Variants in XIRP2 observed in about 807,000 individuals in gnomAD.
XIRP2 encodes xin actin-binding repeat-containing protein 2.
XIRP2 carries 236 observed loss-of-function variants against 277.0 expected under a neutral mutation model. The observed-to-expected ratio is 0.85, with a 90% CI of 0.77 to 0.95. XIRP2 has a LOEUF of 0.95. Among genes scored for constraint, XIRP2 ranks in the 40% least tolerant of loss-of-function variants. The probability of loss-of-function intolerance (pLI) is 0.00; values close to 1 mark genes in which losing one functional copy is unlikely to be tolerated. For synonymous variants in XIRP2, 1,490 were observed against 1,416.5 expected (o/e 1.05, Z -1.17); for missense variants, 4,640 against 4,157.5 (o/e 1.12, Z -3.19).
intron 2 of XIRP2, among the ~76,000 whole-genome samples, chr2:167,128,070 G>T (rs1006247328): frequency 6.6e-6 from 1 of 152,170 alleles, no homozygotes; most frequent in Non-Finnish European, 1.5e-5. Context: ...CATTCACCCT[G>T]TTTTATCAAT....
At chr2:167,197,548 T>C (rs1298467634) in intron 3 of XIRP2, among the ~76,000 whole-genome samples, 4 of 152,152 alleles carry the variant, frequency 2.6e-5, no homozygotes. Context: ...TAACCAGTTC[T>C]GCAAAAATAT....
intron 2 of XIRP2, among the ~76,000 whole-genome samples, chr2:167,104,126 C>T (rs1238726785): frequency 2.0e-5 from 3 of 152,056 alleles, no homozygotes; most frequent in Non-Finnish European, 4.4e-5. Context: ...GATTAATTCT[C>T]CTTAAGAAGA....
intron 2 of XIRP2, among the ~76,000 whole-genome samples, chr2:166,974,181 C>G (rs369078123): frequency 2.0e-5 from 3 of 152,028 alleles, no homozygotes; most frequent in East Asian, 1.9e-4. Context: ...GTCTGCAGCA[C>G]GAGTTGTTTG....
At chr2:167,168,719 A>G (rs2105347027) in intron 3 of XIRP2, among the ~76,000 whole-genome samples, 1 of 152,240 alleles carries the variant, frequency 6.6e-6, no homozygotes, top group East Asian at 1.9e-4. Context: ...GGTTCACACC[A>G]TTCTCCTGCC....
At chr2:166,897,552 A>G (rs1189144443) in intron 1 of XIRP2, among the ~76,000 whole-genome samples, 1 of 152,188 alleles carries the variant, frequency 6.6e-6, no homozygotes, top group Non-Finnish European at 1.5e-5. Context: ...GTTAAACAAA[A>G]TAAGTTAATA....
chr2:167,049,844 T>C (rs1159949355), intron 2 of XIRP2, among the ~76,000 whole-genome samples: 1 of 151,994 alleles, frequency 6.6e-6, no homozygotes, highest in East Asian at 1.9e-4. Flanking sequence ...TAATGAAAAC[T>C]ACATGGTAGA....
At chr2:167,169,488 G>T (rs1207735730) in intron 3 of XIRP2, among the ~76,000 whole-genome samples, 1 of 152,180 alleles carries the variant, frequency 6.6e-6, no homozygotes, top group Non-Finnish European at 1.5e-5. Flanking sequence ...TTTTGGTTCT[G>T]TGTATTTATC....
chr2:166,936,653 C>A (rs1685526179), intron 2 of XIRP2, among the ~76,000 whole-genome samples: 1 of 152,170 alleles, frequency 6.6e-6, no homozygotes, highest in Non-Finnish European at 1.5e-5. Context: ...GTCCCAGAAC[C>A]ATTTATTAAA....
At chr2:166,963,745 G>A (rs1180628744) in intron 2 of XIRP2, among the ~76,000 whole-genome samples, 1 of 151,828 alleles carries the variant, frequency 6.6e-6, no homozygotes, top group Non-Finnish European at 1.5e-5. Context: ...CATAGCATGG[G>A]AATGAAGTCA....
chr2:167,208,540 C>G (rs1047035010), intron 3 of XIRP2, among the ~76,000 whole-genome samples: 2 of 152,156 alleles, frequency 1.3e-5, no homozygotes, highest in African/African-American at 4.8e-5. Context: ...GATCTCCTGA[C>G]CTCGTGATCT....
intron 2 of XIRP2, among the ~76,000 whole-genome samples, chr2:166,928,023 T>A (rs1469907674): frequency 6.6e-6 from 1 of 152,118 alleles, no homozygotes; most frequent in East Asian, 1.9e-4. Flanking sequence ...AATATGTAAA[T>A]TTTTTTTCTC....
chr2:166,958,486 T>G (rs1686223753), intron 2 of XIRP2, among the ~76,000 whole-genome samples: 1 of 151,660 alleles, frequency 6.6e-6, no homozygotes, highest in Admixed American at 6.6e-5. Flanking sequence ...ATAGCTGGGG[T>G]TTGGAGCCCT....
chr2:167,242,877 G>T lies in XIRP2; in HGVS notation c.1485G>T (p.Leu495Phe). 1 of 1,614,044 alleles carries T rather than the reference G, an allele frequency of 6.2e-7. No homozygotes were observed. The highest frequency in any genetic ancestry group is 8.5e-7 in the Non-Finnish European group (1 of 1,179,976). Residue 495 changes from leucine to phenylalanine, a missense_variant, in exon 9 of 11, where the codon TTG becomes TTT. Transcript: ENST00000409195. Reference sequence around the variant, plus strand: ...ATGTATATTCCAAGCAAAGAAATTTGTATGAATTAAACCGTTTATATAAAC... The same window carrying T: ...ATGTATATTCCAAGCAAAGAAATTTTTATGAATTAAACCGTTTATATAAAC... ...PKDVYSKQRN[L>F]YELNRLYKHI...
At chr2:167,122,263 C>A (rs781157661) in intron 2 of XIRP2, among the ~76,000 whole-genome samples, 3 of 152,240 alleles carry the variant, frequency 2.0e-5, no homozygotes, top group Non-Finnish European at 2.9e-5. Flanking sequence ...TAACATTGGA[C>A]CCAACCAAAA....
intron 2 of XIRP2, among the ~76,000 whole-genome samples, chr2:167,023,630 G>A (rs1436796856): frequency 6.6e-6 from 1 of 152,106 alleles, no homozygotes; most frequent in Non-Finnish European, 1.5e-5. Context: ...ATTAATTTTT[G>A]TATAAGGTGT....
intron 2 of XIRP2, among the ~76,000 whole-genome samples, chr2:166,924,168 G>A (rs184862188): frequency 6.6e-6 from 1 of 152,066 alleles, no homozygotes; most frequent in Non-Finnish European, 1.5e-5. Flanking sequence ...TACATTAGGA[G>A]ATCCACTTGG....
At chr2:167,241,226 C>G (rs1695055115) in intron 7 of XIRP2, among the ~76,000 whole-genome samples, 1 of 147,994 alleles carries the variant, frequency 6.8e-6, no homozygotes, top group Non-Finnish European at 1.5e-5. Context: ...TTTTGCTACC[C>G]TGAAGAGCTA....
intron 1 of XIRP2, among the ~76,000 whole-genome samples, chr2:166,897,634 G>A (rs749303000): frequency 6.6e-6 from 1 of 152,156 alleles, no homozygotes; most frequent in Non-Finnish European, 1.5e-5. Flanking sequence ...GCCTCAGGCT[G>A]AGGGAGAGCC....
At chr2:167,236,120 C>A (rs1200912524) in intron 5 of XIRP2, among the ~76,000 whole-genome samples, 2 of 151,848 alleles carry the variant, frequency 1.3e-5, no homozygotes, top group African/African-American at 4.8e-5. Context: ...TGGCATTGAA[C>A]ATGAACTTCC....
Sources: allele counts gnomAD v4.1 joint callset (sites outside exome capture counted in the v4.1 genomes callset), GRCh38; gene constraint gnomAD v4.1.1; transcripts MANE v1.5; gene names NCBI Gene and HGNC (gene_info 2026-07-23, HGNC 2026-07-21).